The following SLC2A10 variants were observed in gnomAD, a reference collection of about 807,000 sequenced individuals.
SLC2A10 encodes solute carrier family 2 member 10, also known as solute carrier family 2, facilitated glucose transporter member 10.
In SLC2A10, 25 loss-of-function variants were observed where a neutral mutation model predicts 32.1. That is an observed-to-expected ratio of 0.78 (90% CI 0.57 to 1.09). The LOEUF is 1.09. SLC2A10 is among the 50% of genes least tolerant of loss of function. SLC2A10 has a pLI of 0.00. For synonymous variants in SLC2A10, 332 were observed against 309.6 expected (o/e 1.07, Z -0.76); for missense variants, 673 against 686.5 (o/e 0.98, Z 0.22).
chr20:46,709,836 C>A, intron 1 of SLC2A10, 96 bp downstream of exon 1: 1 of 1,436,476 alleles, frequency 7.0e-7, no homozygotes, highest in Non-Finnish European at 9.5e-7. Context: ...CGCCCCCTGG[C>A]TCCCCCAGGG....
At chr20:46,731,082 G>T (rs964248265) in intron 4 of SLC2A10, among the ~76,000 whole-genome samples, 1 of 152,174 alleles carries the variant, frequency 6.6e-6, no homozygotes, top group Non-Finnish European at 1.5e-5. Context: ...CAACCCAGCT[G>T]TATTAGTTAG....
chr20:46,715,364 C>A (rs921430821), intron 1 of SLC2A10, among the ~76,000 whole-genome samples: 1 of 152,150 alleles, frequency 6.6e-6, no homozygotes. Flanking sequence ...GGTTCCCTTT[C>A]GCTGCAAGAG....
intron 1 of SLC2A10, among the ~76,000 whole-genome samples, chr20:46,717,073 C>T (rs1018522082): frequency 3.3e-5 from 5 of 152,156 alleles, no homozygotes; most frequent in Non-Finnish European, 7.3e-5. Context: ...ATTTCAAGGG[C>T]TCATTTTCTA....
intron 3 of SLC2A10, among the ~76,000 whole-genome samples, chr20:46,728,824 C>T (rs1376534647): frequency 1.3e-5 from 2 of 151,886 alleles, no homozygotes; most frequent in Non-Finnish European, 2.9e-5. Flanking sequence ...AGGGTTTCAC[C>T]ATGTTGCCCA....
chr20:46,732,651 C>T (rs1391688070), intron 4 of SLC2A10, among the ~76,000 whole-genome samples: 2 of 152,098 alleles, frequency 1.3e-5, no homozygotes, highest in Admixed American at 1.3e-4. Context: ...CAGGAATTTT[C>T]AACAAGCACG....
At position 46,726,129 on chromosome 20, in the gene SLC2A10, G is replaced by A. The variant is rs749578252; in HGVS notation, c.1093G>A (p.Glu365Lys). 4 of 1,614,242 alleles carry A rather than the reference G, an allele frequency of 2.5e-6. No homozygotes were observed. The highest frequency in any genetic ancestry group is 2.2e-5 in the East Asian group (1 of 44,882). Residue 365 changes from glutamate to lysine, a missense_variant, in exon 2 of 5, where the codon GAG (glutamate) becomes AAG (lysine). Physicochemically the swap from Glu to Lys is moderately conservative, Grantham distance 56. Transcript: ENST00000359271. ...TCCAAGGACCAATGAGGACCAAAGG[G>A]AGCCAATCTTGTCCACTGCTAAGAA... ...PIPRTNEDQR[E>K]PILSTAKKTK...
At chr20:46,710,590 A>T (rs531437377) in intron 1 of SLC2A10, among the ~76,000 whole-genome samples, 22 of 152,092 alleles carry the variant, frequency 1.4e-4, no homozygotes, top group Non-Finnish European at 2.8e-4. Flanking sequence ...CTGGAGTAGG[A>T]CGTTTTGGAG....
chr20:46,726,137 C>T lies in SLC2A10; in HGVS notation c.1101C>T (p.Ile367=), dbSNP rs1325423140. The part of the protein sequence containing the change: ...PRTNEDQREP[I]LSTAKKTKPH... ...CCAATGAGGACCAAAGGGAGCCAAT[C>T]TTGTCCACTGCTAAGAAAACCAAGC... is the stretch of plus-strand genomic sequence containing the variant. The change falls in exon 2 of 5, where the codon ATC becomes ATT. Residue 367 remains isoleucine, a synonymous_variant. Transcript: ENST00000359271. 1 of 1,614,262 alleles carries T rather than the reference C, an allele frequency of 6.2e-7. No individual in the cohort carries two copies. Among genetic ancestry groups the T allele is most frequent in the Admixed American group, 1.7e-5 (1 of 60,038 alleles).
chr20:46,732,050 C>G (rs1453580629), intron 4 of SLC2A10, among the ~76,000 whole-genome samples: 1 of 152,214 alleles, frequency 6.6e-6, no homozygotes, highest in African/African-American at 2.4e-5. Flanking sequence ...AGAGCCGTCA[C>G]CCACTGCTGT....
In SLC2A10 at chr20:46,725,647, G is replaced by T; in HGVS notation, c.611G>T (p.Gly204Val). ...THKDLIPLQG[G>V]EAPKLGPGRP... ...AAGGACCTCATCCCACTCCAGGGAGGTGAGGCCCCCAAGCTGGGCCCGGGG... is the reference window on the plus strand; with the variant it reads ...AAGGACCTCATCCCACTCCAGGGAGTTGAGGCCCCCAAGCTGGGCCCGGGG... The change falls in exon 2 of 5, where the codon GGT becomes GTT. Residue 204 changes from glycine to valine, a missense_variant. Physicochemically the swap from Gly to Val is moderately radical, Grantham distance 109. Transcript: ENST00000359271. The T allele has an allele frequency of 6.2e-7, 1 of 1,614,044 alleles. No homozygotes were observed.
At position 46,725,381 on chromosome 20, in the gene SLC2A10, C is replaced by T; in HGVS notation, c.345C>T (p.Ser115=). The T allele has an allele frequency of 6.2e-7, 1 of 1,614,196 alleles. No individual in the cohort carries two copies. The highest frequency in any genetic ancestry group is 2.2e-5 in the East Asian group (1 of 44,872). Residue 115 remains serine (S), a synonymous_variant, in exon 2 of 5, where the codon TCC becomes TCT. Coordinates refer to ENST00000359271, the MANE Select transcript of SLC2A10 (RefSeq NM_030777.4). The part of the protein sequence containing the change: ...RAVVGFAISL[S]SMACCIYVSE... ...TGGTTGGCTTCGCCATTTCCCTCTC[C>T]TCCATGGCTTGCTGTATCTACGTGT...
At chr20:46,727,594 G>A (rs2123056533) in intron 3 of SLC2A10, among the ~76,000 whole-genome samples, 1 of 152,296 alleles carries the variant, frequency 6.6e-6, no homozygotes, top group Non-Finnish European at 1.5e-5. Context: ...GGGATTACGG[G>A]CATGAGCCAC....
chr20:46,723,341 T>C (rs1000630296), intron 1 of SLC2A10, among the ~76,000 whole-genome samples: 1 of 152,062 alleles, frequency 6.6e-6, no homozygotes, highest in African/African-American at 2.4e-5. Flanking sequence ...AGAGCTTTTT[T>C]CAATGTCCCA....
Position 46,734,100 on chromosome 20 carries a change from A to G in SLC2A10, c.*266A>G, listed in dbSNP as rs1462167554. ...TGACTTGCACATCTCTGCAGTATTT[A>G]TAAGAAGAATATTCTATGAAGTCTT... On this transcript the variant is annotated 3_prime_UTR_variant, in exon 5 of 5. Transcript: ENST00000359271. 1.9e-6 allele frequency: 1 copy of G among 538,262 alleles called. No individual in the cohort carries two copies. Among genetic ancestry groups the G allele is most frequent in the East Asian group, 3.3e-5 (1 of 30,254 alleles). 33.3% of individuals were successfully genotyped at this position (538,262 alleles called of 1,614,324 possible).
At chr20:46,710,168 C>A (rs1356738513) in intron 1 of SLC2A10, 3 of 427,246 alleles carry the variant, frequency 7.0e-6, no homozygotes, top group Non-Finnish European at 1.2e-5. Flanking sequence ...GCGAACGAAA[C>A]TGCGAACAAA....
intron 1 of SLC2A10, among the ~76,000 whole-genome samples, chr20:46,718,201 G>A (rs529673595): frequency 7.2e-5 from 11 of 152,050 alleles, no homozygotes; most frequent in East Asian, 1.9e-4. Flanking sequence ...CCTGAGTGAC[G>A]GAACGAGACC....
intron 1 of SLC2A10, among the ~76,000 whole-genome samples, chr20:46,712,625 TTTCTTTCTTTCTGTC>T (rs1978985604): frequency 1.3e-5 from 2 of 151,564 alleles, no homozygotes; most frequent in Non-Finnish European, 2.9e-5. Flanking sequence ...TTTTTTTCTC[TTTCTTTCTTTCTGTC>T]TTCTTTCTTT....
chr20:46,724,346 T>C (rs1161113682), intron 1 of SLC2A10, among the ~76,000 whole-genome samples: 1 of 152,150 alleles, frequency 6.6e-6, no homozygotes, highest in East Asian at 1.9e-4. Flanking sequence ...GATGGATGGA[T>C]GGACTGATGT....
At position 46,729,633 on chromosome 20, in the gene SLC2A10, T is replaced by G. The variant is rs1040954025; in HGVS notation, c.1547+145T>G. 212 of 220,054 alleles carry G rather than the reference T, an allele frequency of 9.6e-4. 2 individuals carry two copies. Among genetic ancestry groups the G allele is most frequent in the Middle Eastern group, 3.7e-3 (3 of 806 alleles). 13.6% of individuals were successfully genotyped at this position (220,054 alleles called of 1,614,324 possible). ...TTGCCTGGGCACTATGAGTTTTTTT[T>G]TTTTTTTTTTTTTTTTTTTTTTTTT... On this transcript the variant is annotated intron_variant, in intron 4 of 4. Coordinates refer to ENST00000359271, the MANE Select transcript of SLC2A10 (RefSeq NM_030777.4).
Sources: gnomAD v4.1 joint callset for allele counts (sites outside exome capture counted in the v4.1 genomes callset) on GRCh38, gnomAD v4.1.1 for gene constraint, MANE v1.5 for transcripts, NCBI Gene and HGNC (gene_info 2026-07-23, HGNC 2026-07-21) for gene names.